The following ZNF556 variants were observed in gnomAD, a reference collection of about 807,000 sequenced individuals.
ZNF556 encodes zinc finger protein 556.
In ZNF556, 11 loss-of-function variants were observed where a neutral mutation model predicts 13.6. The ratio of observed to expected loss-of-function variants is 0.81; its 90% confidence interval spans 0.51 to 1.33. ZNF556 has a LOEUF of 1.33. ZNF556 is among the 40% of genes most tolerant of loss of function. The probability of loss-of-function intolerance (pLI) is 0.00; values close to 1 mark genes in which losing one functional copy is unlikely to be tolerated. For missense variants in ZNF556, 633 were observed against 566.2 expected, an observed-to-expected ratio of 1.12 and a Z score of -1.20; for synonymous variants, 229 against 207.8, an observed-to-expected ratio of 1.10 and a Z score of -0.88.
rs1475232779 is a variant in ZNF556 at position 2,882,562 on chromosome 19, G to GTGTGTA, written c.*4237_*4238insTATGTG. ...TGTGTGTGTGTGTGTGTGTGTGTGT[G>GTGTGTA]TGTGAATGTGTGTGACGGAGTTTTG... On this transcript the variant is annotated 3_prime_UTR_variant, in exon 4 of 4. Coordinates refer to ENST00000307635, the MANE Select transcript of ZNF556 (RefSeq NM_024967.3). 4.0e-5 allele frequency: 6 copies of GTGTGTA among 151,872 alleles called. No homozygotes were observed. In the Admixed American group the frequency reaches 4.0e-4, roughly 10 times the overall value. The allele number at this position is 151,872 out of a possible 1,614,324, so 9.4% of individuals were successfully genotyped here. A position where few individuals can be genotyped will look rare whatever the true frequency, so the allele number is the denominator to read the frequency against.
In ZNF556 at chr19:2,877,721, G is replaced by C; in HGVS notation, c.763G>C (p.Gly255Arg). ...TCGCGCACATGTGATGATGCACGCC[G>C]GAGGGAGACCGTATGAGTGCAAGCA... ...SFRAHVMMHA[G>R]GRPYECKHCG... The change falls in exon 4 of 4, where the codon GGA becomes CGA. Residue 255 changes from glycine to arginine, a missense_variant. Gly to Arg is a moderately radical substitution (Grantham distance 125, BLOSUM62 -2). Coordinates refer to ENST00000307635, the MANE Select transcript of ZNF556 (RefSeq NM_024967.3). 4 of 1,613,736 alleles carry C rather than the reference G, an allele frequency of 2.5e-6. No homozygotes were observed. Among genetic ancestry groups the C allele is most frequent in the Non-Finnish European group, 3.4e-6 (4 of 1,179,728 alleles).
At chr19:2,867,493 A>G in intron 1 of ZNF556, 69 bp downstream of exon 1, 1 of 1,559,752 alleles carries the variant, frequency 6.4e-7, no homozygotes, top group Non-Finnish European at 8.7e-7. Context: ...CGGCCAGAAC[A>G]CGCTGAAACT....
chr19:2,872,651 G>A lies in ZNF556; in HGVS notation c.4-845G>A, dbSNP rs535710515. On this transcript the variant is annotated intron_variant, in intron 1 of 3. Coordinates refer to ENST00000307635, the MANE Select transcript of ZNF556 (RefSeq NM_024967.3). The stretch of plus-strand genomic sequence containing the variant: ...GCTCATGTCCTCGGTCTCTTGCCTC[G>A]GCACCTGGGTGGCTTGCTGCCCACA... Among the ~76,000 whole-genome samples, 19 of 151,668 alleles carry A rather than the reference G, an allele frequency of 1.3e-4. No homozygotes were observed. In the East Asian group the frequency reaches 1.6e-3, roughly 12 times the overall value.
At position 2,877,788 on chromosome 19, in the gene ZNF556, A is replaced by T. The variant is rs1468029784; in HGVS notation, c.830A>T (p.His277Leu). The change falls in exon 4 of 4, where the codon CAT (histidine) becomes CTT (leucine). Residue 277 changes from histidine to leucine, a missense_variant. Coordinates refer to ENST00000307635, the MANE Select transcript of ZNF556 (RefSeq NM_024967.3). Reference protein sequence around the residue: ...AFRCQKSFRVHMIMHAGGRPY... With the variant: ...AFRCQKSFRVLMIMHAGGRPY... ...AGGTGTCAGAAATCCTTTCGAGTCC[A>T]TATGATCATGCACGCCGGAGGGAGA... 1.2e-6 allele frequency: 2 copies of T among 1,613,538 alleles called. No homozygotes were observed. Among genetic ancestry groups the T allele is most frequent in the African/African-American group, 2.7e-5 (2 of 74,900 alleles).
intron 2 of ZNF556, among the ~76,000 whole-genome samples, chr19:2,874,751 AAAAAAAAAAAG>A (rs1276056053): frequency 2.7e-5 from 4 of 145,928 alleles, no homozygotes; most frequent in African/African-American, 1.0e-4. Context: ...CTCAAAAAAA[AAAAAAAAAAAG>A]AAAGAAAGAA....
chr19:2,867,358 G>C lies in ZNF556; in HGVS notation c.-64G>C. On this transcript the variant is annotated 5_prime_UTR_variant, in exon 1 of 4. Transcript: ENST00000307635. The stretch of plus-strand genomic sequence containing the variant: ...CTGAGTGACCACAGGTGTCCCCGTC[G>C]TGCTCACCTGCACCGGCTGCGAGGA... 1.3e-6 allele frequency: 2 copies of C among 1,560,746 alleles called. No homozygotes were observed. The highest frequency in any genetic ancestry group is 1.7e-6 in the Non-Finnish European group (2 of 1,151,592).
rs1165214161 is a variant in ZNF556, at chr19:2,874,743, C to CAAAAAAA, written c.130+1133_130+1139dup. ...TGGGTGACAGAGTAAGACTCTGTCT[C>CAAAAAAA]AAAAAAAAAAAAAAAAAAGAAAGAA... On this transcript the variant is annotated intron_variant, in intron 2 of 3. Transcript: ENST00000307635. Among the ~76,000 whole-genome samples, 330 of 65,438 alleles carry CAAAAAAA rather than the reference C, an allele frequency of 5.0e-3. 3 individuals are homozygous for CAAAAAAA. Among genetic ancestry groups the CAAAAAAA allele is most frequent in the African/African-American group, 0.017 (315 of 18,972 alleles). 42.9% of individuals were successfully genotyped at this position (65,438 alleles called of 152,430 possible).
rs1405901201 is a variant in ZNF556 at position 2,883,303 on chromosome 19, T to C, written c.*4974T>C. 2 of 152,164 alleles carry C rather than the reference T, an allele frequency of 1.3e-5. No homozygotes were observed. Among genetic ancestry groups the C allele is most frequent in the Non-Finnish European group, 2.9e-5 (2 of 68,038 alleles). 9.4% of individuals were successfully genotyped at this position (152,164 alleles called of 1,614,324 possible). A position where few individuals can be genotyped will look rare whatever the true frequency, so the allele number is the denominator to read the frequency against. Reference sequence around the variant, plus strand: ...TTTTAATTAAAAAATAATTTTTAAGTGTAAACCTTTAATGATCCACAAAGC... The same window carrying C: ...TTTTAATTAAAAAATAATTTTTAAGCGTAAACCTTTAATGATCCACAAAGC... On this transcript the variant is annotated 3_prime_UTR_variant, in exon 4 of 4. Coordinates refer to ENST00000307635, the MANE Select transcript of ZNF556 (RefSeq NM_024967.3).
rs753220393 is a variant in ZNF556, at chr19:2,878,446, G to A, written c.*117G>A. 2.8e-5 allele frequency: 27 copies of A among 960,442 alleles called. No homozygotes were observed. The highest frequency in any genetic ancestry group is 7.9e-5 in the East Asian group (3 of 38,134). 59.5% of individuals were successfully genotyped at this position (960,442 alleles called of 1,614,324 possible). ...AGCACTTTGGGAGGCCGAGGCAGGC[G>A]GATCACGAGGTCAGGAGATCAAGAC... On this transcript the variant is annotated 3_prime_UTR_variant, in exon 4 of 4. Coordinates refer to ENST00000307635, the MANE Select transcript of ZNF556 (RefSeq NM_024967.3).
intron 3 of ZNF556, among the ~76,000 whole-genome samples, 173 bp downstream of exon 3, chr19:2,876,449 G>A (rs2087853074): frequency 6.6e-6 from 1 of 152,118 alleles, no homozygotes; most frequent in Non-Finnish European, 1.5e-5. Flanking sequence ...AATGGGCGCG[G>A]TGGCTCACAC....
chr19:2,882,919 A>C lies in ZNF556; in HGVS notation c.*4590A>C, dbSNP rs1212645630. 2.6e-5 allele frequency: 4 copies of C among 152,098 alleles called. No homozygotes were observed. The highest frequency in any genetic ancestry group is 9.7e-5 in the African/African-American group (4 of 41,396). 9.4% of individuals were successfully genotyped at this position (152,098 alleles called of 1,614,324 possible). ...GACCAGGTACTTCATCTGGATTTGA[A>C]CCACAATGTGGGTGTTTGTTTTTAA... On this transcript the variant is annotated 3_prime_UTR_variant, in exon 4 of 4. Transcript: ENST00000307635.
intron 3 of ZNF556, among the ~76,000 whole-genome samples, chr19:2,877,030 T>C (rs1252770964): frequency 1.3e-5 from 2 of 151,908 alleles, no homozygotes; most frequent in Admixed American, 6.6e-5. Context: ...CTGACCAATA[T>C]GGTGAAACCC....
intron 1 of ZNF556, among the ~76,000 whole-genome samples, chr19:2,868,475 C>T (rs1488119411): frequency 6.6e-6 from 1 of 152,050 alleles, no homozygotes; most frequent in Non-Finnish European, 1.5e-5. Flanking sequence ...TGCAGTGGCG[C>T]GATCTCGGCT....
chr19:2,868,195 C>G (rs1187449132), intron 1 of ZNF556, among the ~76,000 whole-genome samples: 3 of 151,572 alleles, frequency 2.0e-5, no homozygotes, highest in Non-Finnish European at 4.4e-5. Flanking sequence ...AAATGGGATT[C>G]CAGGGCTTAG....
chr19:2,871,012 C>T lies in ZNF556; in HGVS notation c.4-2484C>T, dbSNP rs1409417344. Among the ~76,000 whole-genome samples, 17 of 150,774 alleles carry T rather than the reference C, an allele frequency of 1.1e-4. 1 individual carries two copies. The highest frequency in any genetic ancestry group is 1.1e-3 in the Admixed American group (17 of 15,084). Reference sequence around the variant, plus strand: ...CGAGATCGCACCATTGCACTCCAGCCTAGGTGACAGAGCGAGACTCTATCT... The same window carrying T: ...CGAGATCGCACCATTGCACTCCAGCTTAGGTGACAGAGCGAGACTCTATCT... On this transcript the variant is annotated intron_variant, in intron 1 of 3. Coordinates refer to ENST00000307635, the MANE Select transcript of ZNF556 (RefSeq NM_024967.3).
rs1335075522 is a variant in ZNF556, at chr19:2,881,704, T to G, written c.*3375T>G. 6.6e-6 allele frequency: 1 copy of G among 152,168 alleles called. No homozygotes were observed. The highest frequency in any genetic ancestry group is 2.4e-5 in the African/African-American group (1 of 41,446). The allele number at this position is 152,168 out of a possible 1,614,324, so 9.4% of individuals were successfully genotyped here. On this transcript the variant is annotated 3_prime_UTR_variant, in exon 4 of 4. Transcript: ENST00000307635. Reference sequence around the variant, plus strand: ...GCTTCAGTAAGTGACAATCTCATCATGAATTCATTTATAGTTCCACCATGT... The same window carrying G: ...GCTTCAGTAAGTGACAATCTCATCAGGAATTCATTTATAGTTCCACCATGT...
rs111827534 is a variant in ZNF556 at position 2,877,285 on chromosome 19, G to T, written c.327G>T (p.Arg109Ser). ...TKERHLSRNPRVERPCKSSKG... is the reference protein window; with the variant it reads ...TKERHLSRNPSVERPCKSSKG... ...TACCCATTTTTAGCAGAAATCCAAGGGTGGAGAGACCATGTAAAAGCAGTA... is the reference window on the plus strand; with the variant it reads ...TACCCATTTTTAGCAGAAATCCAAGTGTGGAGAGACCATGTAAAAGCAGTA... The change falls in exon 4 of 4, where the codon AGG (arginine) becomes AGT (serine). Residue 109 changes from arginine (R) to serine (S), a missense_variant. By Grantham distance (110) the Arg-to-Ser change is moderately radical (BLOSUM62 -1). Coordinates refer to ENST00000307635, the MANE Select transcript of ZNF556 (RefSeq NM_024967.3). 2 of 1,609,726 alleles carry T rather than the reference G, an allele frequency of 1.2e-6. No homozygotes were observed. Among genetic ancestry groups the T allele is most frequent in the Non-Finnish European group, 8.5e-7 (1 of 1,177,034 alleles).
chr19:2,870,202 T>C (rs1475196295), intron 1 of ZNF556, among the ~76,000 whole-genome samples: 1 of 152,118 alleles, frequency 6.6e-6, no homozygotes, highest in Non-Finnish European at 1.5e-5. Flanking sequence ...ATCCCAGCAC[T>C]TTGGGAGGCC....
In ZNF556 at chr19:2,878,930, C is replaced by A. The variant is rs1361691280; in HGVS notation, c.*601C>A. On this transcript the variant is annotated 3_prime_UTR_variant, in exon 4 of 4. Transcript: ENST00000307635. ...GAAGTGTATTGCACCCATGGGTGATCTGATGTATTTTAATATGCATTAACT... is the reference window on the plus strand; with the variant it reads ...GAAGTGTATTGCACCCATGGGTGATATGATGTATTTTAATATGCATTAACT... 6.6e-6 allele frequency: 1 copy of A among 152,056 alleles called. No homozygotes were observed. Among genetic ancestry groups the A allele is most frequent in the Admixed American group, 6.6e-5 (1 of 15,240 alleles). The allele number at this position is 152,056 out of a possible 1,614,324, so 9.4% of individuals were successfully genotyped here. A position where few individuals can be genotyped will look rare whatever the true frequency, so the allele number is the denominator to read the frequency against.
Sources: gnomAD v4.1 joint callset for allele counts (sites outside exome capture counted in the v4.1 genomes callset) on GRCh38, gnomAD v4.1.1 for gene constraint, MANE v1.5 for transcripts, NCBI Gene and HGNC (gene_info 2026-07-23, HGNC 2026-07-21) for gene names.